Variants in DNAH7 observed in about 807,000 individuals in gnomAD.
The protein encoded by DNAH7 is axonemal beta dynein heavy chain 7.
In DNAH7, 397 loss-of-function variants were observed where a neutral mutation model predicts 444.6. That is an observed-to-expected ratio of 0.89 (90% CI 0.82 to 0.97). The LOEUF (loss-of-function observed/expected upper bound fraction) is 0.97. Among genes scored for constraint, DNAH7 ranks in the 50% least tolerant of loss-of-function variants. DNAH7 has a pLI of 0.00. For missense variants in DNAH7, 4,902 were observed against 4,800.8 expected (o/e 1.02, Z -0.62); for synonymous variants, 1,636 against 1,624.4 (o/e 1.01, Z -0.17).
At chr2:195,886,312 T>C in intron 33 of DNAH7, 40 bp from the exon 34 acceptor site, 1 of 1,567,916 alleles carries the variant, frequency 6.4e-7, no homozygotes. Context: ...CAATTTAAAT[T>C]AGGTAATAGC....
At chr2:195,994,022 T>C (rs1693528554) in intron 12 of DNAH7, among the ~76,000 whole-genome samples, 2 of 152,218 alleles carry the variant, frequency 1.3e-5, no homozygotes, top group African/African-American at 4.8e-5. Context: ...TCATGGAGCC[T>C]GGAGAAAAGC....
At position 195,855,832 on chromosome 2, in the gene DNAH7, CTTT is replaced by C; in HGVS notation, c.8571_8573del (p.Lys2859del). 2.5e-6 allele frequency: 4 copies of C among 1,613,528 alleles called. No homozygotes were observed. Among genetic ancestry groups the C allele is most frequent in the Non-Finnish European group, 3.4e-6 (4 of 1,179,764 alleles). On this transcript the variant is annotated inframe_deletion, in exon 45 of 65. Transcript: ENST00000312428. The stretch of plus-strand genomic sequence containing the variant: ...ACACCTGGTTTTCCAGGTCAGCCTT[CTTT>C]TGTTTATTTAATTCAAGTGTGTCTT...
At chr2:195,880,330 CTTT>C (rs1042876508) in intron 36 of DNAH7, among the ~76,000 whole-genome samples, 4 of 136,654 alleles carry the variant, frequency 2.9e-5, no homozygotes, top group Non-Finnish European at 3.2e-5. Context: ...CTTTCTTTTT[CTTT>C]TTTTTTTTTT....
At chr2:195,954,014 T>A (rs1206237062) in intron 19 of DNAH7, among the ~76,000 whole-genome samples, 1 of 152,060 alleles carries the variant, frequency 6.6e-6, no homozygotes, top group Non-Finnish European at 1.5e-5. Flanking sequence ...AGAAAGACAA[T>A]CGAGTCTTTT....
chr2:195,968,192 G>C (rs1231833796), intron 17 of DNAH7, among the ~76,000 whole-genome samples: 1 of 152,064 alleles, frequency 6.6e-6, no homozygotes, highest in Admixed American at 6.6e-5. Context: ...GGTCCCACCT[G>C]GTTCTCTATC....
chr2:195,944,077 C>G (rs1689643073), intron 19 of DNAH7, among the ~76,000 whole-genome samples: 1 of 152,086 alleles, frequency 6.6e-6, no homozygotes, highest in African/African-American at 2.4e-5. Flanking sequence ...TGACCATCAT[C>G]AACATAAATT....
At chr2:195,759,624 G>A (rs769167731) in intron 61 of DNAH7, among the ~76,000 whole-genome samples, 17 of 152,068 alleles carry the variant, frequency 1.1e-4, no homozygotes, top group African/African-American at 3.1e-4. Context: ...CTTGGCTCCT[G>A]GATGGCATTT....
chr2:195,919,644 C>CA (rs1316479179), intron 24 of DNAH7, among the ~76,000 whole-genome samples: 1 of 152,054 alleles, frequency 6.6e-6, no homozygotes, highest in African/African-American at 2.4e-5. Context: ...CACACCAGGC[C>CA]AAAAAGTCTA....
In DNAH7 at chr2:195,841,718, TTCTC is replaced by T. The variant is rs1214295385; in HGVS notation, c.8945+3280_8945+3283del. Among the ~76,000 whole-genome samples the T allele has an allele frequency of 2.6e-5, 4 of 151,974 alleles. No homozygotes were observed. The East Asian group carries it at 7.7e-4, about 29-fold the overall frequency. ...GAAAATGTTTTTCTCCACATAATCT[TTCTC>T]TCTTTTACTTCCTCCATCAAACATT... On this transcript the variant is annotated intron_variant, in intron 47 of 64. Transcript: ENST00000312428.
chr2:196,028,366 G>C (rs1243470013), intron 5 of DNAH7, among the ~76,000 whole-genome samples: 2 of 152,044 alleles, frequency 1.3e-5, no homozygotes, highest in Admixed American at 6.5e-5. Flanking sequence ...GAACACTCTT[G>C]CATTATTCCT....
intron 10 of DNAH7, among the ~76,000 whole-genome samples, chr2:196,005,305 A>AAC (rs1416194692): frequency 1.4e-5 from 2 of 147,276 alleles, no homozygotes; most frequent in African/African-American, 5.2e-5. Flanking sequence ...CAAACAAACA[A>AAC]AAATATATAT....
chr2:195,888,765 A>G (rs767311476), intron 32 of DNAH7, 34 bp downstream of exon 32: 49 of 1,583,520 alleles, frequency 3.1e-5, no homozygotes, highest in Non-Finnish European at 4.1e-5. Flanking sequence ...AACATTTTAT[A>G]ATTTATAAAA....
At chr2:195,787,232 C>T in intron 57 of DNAH7, 61 bp from the exon 58 acceptor site, 1 of 1,499,662 alleles carries the variant, frequency 6.7e-7, no homozygotes, top group Non-Finnish European at 8.9e-7. Context: ...TTATATTTAC[C>T]ATATTTTAAA....
rs533585668 is a variant in DNAH7, at chr2:195,905,253, A to G, written c.4335+1406T>C. On this transcript the variant is annotated intron_variant, in intron 27 of 64. Coordinates refer to ENST00000312428, the MANE Select transcript of DNAH7 (RefSeq NM_018897.3). ...ATTGATCCTACCAAATAAATGAATA[A>G]CATAGCGAACAAATACAAGAACTGC... 181 of 152,314 alleles carry G rather than the reference A, an allele frequency of 1.2e-3. 2 individuals carry two copies. The highest frequency in any genetic ancestry group is 4.2e-3 in the African/African-American group (173 of 41,572). The allele number at this position is 152,314 out of a possible 1,614,324, so 9.4% of individuals were successfully genotyped here. A position where few individuals can be genotyped will look rare whatever the true frequency, so the allele number is the denominator to read the frequency against.
intron 15 of DNAH7, among the ~76,000 whole-genome samples, chr2:195,972,787 G>A (rs1030191636): frequency 3.3e-5 from 5 of 152,196 alleles, no homozygotes; most frequent in African/African-American, 1.2e-4. Flanking sequence ...AACATTTTAT[G>A]GGCACCTGCT....
chr2:195,784,460 T>A (rs2105968057), intron 58 of DNAH7, among the ~76,000 whole-genome samples: 1 of 152,332 alleles, frequency 6.6e-6, no homozygotes, highest in African/African-American at 2.4e-5. Flanking sequence ...CGGAATAATA[T>A]CCCATTGTCT....
At chr2:195,854,703 C>T (rs1421391345) in intron 45 of DNAH7, among the ~76,000 whole-genome samples, 1 of 152,058 alleles carries the variant, frequency 6.6e-6, no homozygotes, top group Non-Finnish European at 1.5e-5. Flanking sequence ...CCTCCAAAAG[C>T]ACATTTGTAA....
At chr2:196,013,806 T>C (rs998257027) in intron 9 of DNAH7, among the ~76,000 whole-genome samples, 1 of 152,228 alleles carries the variant, frequency 6.6e-6, no homozygotes, top group Non-Finnish European at 1.5e-5. Flanking sequence ...ATAGTAAACA[T>C]GATCTGATCT....
At chr2:195,768,200 ATATT>A (rs1385434812) in intron 61 of DNAH7, among the ~76,000 whole-genome samples, 5 of 147,852 alleles carry the variant, frequency 3.4e-5, no homozygotes, top group African/African-American at 1.2e-4. Context: ...TTTTATATAT[ATATT>A]ATAAATATAT....
Sources: gnomAD v4.1 joint callset for allele counts (sites outside exome capture counted in the v4.1 genomes callset) on GRCh38, gnomAD v4.1.1 for gene constraint, MANE v1.5 for transcripts, NCBI Gene and HGNC (gene_info 2026-07-23, HGNC 2026-07-21) for gene names.